MYH3: variants seen among roughly 807,000 people sequenced by gnomAD.
MYH3 encodes myosin heavy chain 3.
MYH3 carries 130 observed loss-of-function variants against 238.0 expected under a neutral mutation model. The observed-to-expected ratio is 0.55, with a 90% CI of 0.47 to 0.63. The LOEUF (loss-of-function observed/expected upper bound fraction) is 0.63, where lower values mean the gene tolerates loss of function less well. Among genes scored for constraint, MYH3 ranks in the 30% least tolerant of loss-of-function variants. The probability of loss-of-function intolerance (pLI) is 0.00; values close to 1 mark genes in which losing one functional copy is unlikely to be tolerated. For synonymous variants in MYH3, 880 were observed against 924.1 expected, an observed-to-expected ratio of 0.95 and a Z score of 0.86; for missense variants, 1,853 against 2,374.9, an observed-to-expected ratio of 0.78 and a Z score of 4.57.
chr17:10,633,701 G>C lies in MYH3; in HGVS notation c.4537C>G (p.Leu1513Val). The change falls in exon 33 of 41, where the codon CTC becomes GTC. Residue 1513 changes from leucine to valine, a missense_variant. By Grantham distance (32) the Leu-to-Val change is conservative (BLOSUM62 1). Transcript: ENST00000583535. Reference protein sequence around the residue: ...NKNLEQEIADLTEQIAENGKT... With the variant: ...NKNLEQEIADVTEQIAENGKT... ...CCATTTTCAGCAATTTGTTCTGTGA[G>C]ATCTGCTATCTCCTCTGTAAAGAAG... 9 of 1,614,002 alleles carry C rather than the reference G, an allele frequency of 5.6e-6. No homozygotes were observed. Among genetic ancestry groups the C allele is most frequent in the Non-Finnish European group, 7.6e-6 (9 of 1,180,012 alleles).
chr17:10,669,141 C>G, the MYH3 span, among the ~76,000 whole-genome samples: 1 of 152,122 alleles, frequency 6.6e-6, no homozygotes, highest in Non-Finnish European at 1.5e-5. Context: ...TGTCCTGCTG[C>G]CCCGCAGGGA....
At position 10,638,087 on chromosome 17, in the gene MYH3, T is replaced by C; in HGVS notation, c.3685A>G (p.Ile1229Val). 6.2e-7 allele frequency: 1 copy of C among 1,613,704 alleles called. No homozygotes were observed. The highest frequency in any genetic ancestry group is 8.5e-7 in the Non-Finnish European group (1 of 1,179,958). Residue 1229 changes from isoleucine to valine, a missense_variant, in exon 27 of 41, where the codon ATC becomes GTC. Ile to Val is a conservative substitution (Grantham distance 29). Around this residue, in one of 3 missense-constraint regions of MYH3, gnomAD observed 1,044 missense variants for 1,192.6 expected, o/e 0.88. Transcript: ENST00000583535. ...TCCATGCTGCTGGAGAGGTCATCGA[T>C]CTCCAGCTTGAACTCGCTCTTCTCC... ...EKEKSEFKLE[I>V]DDLSSSMESV... is the part of the protein sequence containing the mutation.
At chr17:10,657,049 G>A (rs2074439408) in intron 1 of MYH3, among the ~76,000 whole-genome samples, 2 of 152,178 alleles carry the variant, frequency 1.3e-5, no homozygotes, top group African/African-American at 2.4e-5. Flanking sequence ...GTGTGTGGAG[G>A]AGAGAGAACC....
At chr17:10,648,991 T>A (rs912087986) in intron 7 of MYH3, among the ~76,000 whole-genome samples, 4 of 152,134 alleles carry the variant, frequency 2.6e-5, no homozygotes, top group African/African-American at 9.7e-5. Flanking sequence ...AACATGTTTT[T>A]AAGCCACAGA....
Position 10,629,666 on chromosome 17 carries a change from T to C in MYH3, c.5727A>G (p.Glu1909=). Residue 1909 remains glutamate, a synonymous_variant, in exon 40 of 41, where the codon GAA becomes GAG. Transcript: ENST00000583535. ...KAQHELEEAE[E]RADIAESQVN... ...CTTGAGATTCTGCGATATCCGCACG[T>C]TCCTCGGCCTCCTCCAGCTCATGCT... 1 of 1,614,182 alleles carries C rather than the reference T, an allele frequency of 6.2e-7. No homozygotes were observed. Among genetic ancestry groups the C allele is most frequent in the Non-Finnish European group, 8.5e-7 (1 of 1,180,048 alleles).
intron 40 of MYH3, 33 bp from the exon 41 acceptor site, chr17:10,628,712 G>A: frequency 3.1e-6 from 5 of 1,613,586 alleles, no homozygotes; most frequent in Non-Finnish European, 4.2e-6. Flanking sequence ...GAGTCAAGTC[G>A]GGTGGCAGAG....
chr17:10,630,715 G>A (rs937623839), intron 36 of MYH3, among the ~76,000 whole-genome samples: 3 of 152,174 alleles, frequency 2.0e-5, no homozygotes, highest in African/African-American at 7.2e-5. Context: ...GCTGGGCGTG[G>A]TGGCAGATGC....
In MYH3 at chr17:10,647,503, G is replaced by C. The variant is rs921004090; in HGVS notation, c.736-77C>G. The C allele has an allele frequency of 4.9e-5, 73 of 1,494,478 alleles. 1 individual carries two copies. The African/African-American group carries it at 9.8e-4, about 20-fold the overall frequency. The allele number at this position is 1,494,478 out of a possible 1,614,324, so 92.6% of individuals were successfully genotyped here. A position where few individuals can be genotyped will look rare whatever the true frequency, so the allele number is the denominator to read the frequency against. On this transcript the variant is annotated intron_variant, in intron 8 of 40. Coordinates refer to ENST00000583535, the MANE Select transcript of MYH3 (RefSeq NM_002470.4). ...TTCCTATTCATCTTATGGGTAATTTGAGTAGGAGCCTAGTCCCCCTAAAAT... is the reference window on the plus strand; with the variant it reads ...TTCCTATTCATCTTATGGGTAATTTCAGTAGGAGCCTAGTCCCCCTAAAAT...
At position 10,644,345 on chromosome 17, in the gene MYH3, A is replaced by C; in HGVS notation, c.1410+6T>G. On this transcript the variant is annotated splice_donor_region_variant and intron_variant, in intron 14 of 40. Coordinates refer to ENST00000583535, the MANE Select transcript of MYH3 (RefSeq NM_002470.4). Reference sequence around the variant, plus strand: ...ATATGAAAATATGAATATAAGTAACACAAACCTCAAAGATTTCAAAGCCTG... The same window carrying C: ...ATATGAAAATATGAATATAAGTAACCCAAACCTCAAAGATTTCAAAGCCTG... 6.2e-7 allele frequency: 1 copy of C among 1,613,600 alleles called. No homozygotes were observed. The highest frequency in any genetic ancestry group is 8.5e-7 in the Non-Finnish European group (1 of 1,179,510).
upstream of MYH3, among the ~76,000 whole-genome samples, chr17:10,658,298 C>T (rs2074454200): frequency 6.6e-6 from 1 of 152,104 alleles, no homozygotes; most frequent in Non-Finnish European, 1.5e-5. Flanking sequence ...GCTGGGTGGG[C>T]ACCCTGTGGT....
rs2074254978 is a variant in MYH3 at position 10,640,050 on chromosome 17, T to G, written c.2628A>C (p.Glu876Asp). The G allele has an allele frequency of 1.1e-5, 18 of 1,614,158 alleles. No homozygotes were observed. Among genetic ancestry groups the G allele is most frequent in the Non-Finnish European group, 1.5e-5 (18 of 1,180,036 alleles). ...TCTCTTGGACCAGAGTCACCAGTTT[T>G]TCCTCTAGCTCCTTCCTTTTTGCCT... is the stretch of plus-strand genomic sequence containing the variant. ...KSEAKRKELEEKLVTLVQEKN... is the reference protein window; with the variant it reads ...KSEAKRKELEDKLVTLVQEKN... The change falls in exon 22 of 41, where the codon GAA becomes GAC. Residue 876 changes from glutamate to aspartate, a missense_variant. Physicochemically the swap from Glu to Asp is conservative, Grantham distance 45. This residue lies in a region of MYH3 where 678 missense variants were observed against 1,058.9 expected (regional missense o/e 0.64). Coordinates refer to ENST00000583535, the MANE Select transcript of MYH3 (RefSeq NM_002470.4).
In MYH3 at chr17:10,640,382, A is replaced by C. The variant is rs374382907; in HGVS notation, c.2377T>G (p.Cys793Gly). 6.8e-6 allele frequency: 11 copies of C among 1,614,234 alleles called. No individual in the cohort carries two copies. The African/African-American group carries it at 1.5e-4, about 22-fold the overall frequency. Residue 793 changes from cysteine to glycine, a missense_variant, in exon 21 of 41, where the codon TGC (cysteine) becomes GGC (glycine). Around this residue, in one of 3 missense-constraint regions of MYH3, gnomAD observed 678 missense variants for 1,058.9 expected, o/e 0.64. Coordinates refer to ENST00000583535, the MANE Select transcript of MYH3 (RefSeq NM_002470.4). ...AKLITRTQAV[C>G]RGFLMRVEFQ... ...TCCACACGCATGAGGAACCCTCTGC[A>C]CACAGCTTGTGTCCGGGTGATTAGT... is the stretch of plus-strand genomic sequence containing the variant.
At chr17:10,664,060 CT>C in the MYH3 span, among the ~76,000 whole-genome samples, 2 of 70,486 alleles carry the variant, frequency 2.8e-5, no homozygotes, top group African/African-American at 8.5e-5. Context: ...GAGACTCCGT[CT>C]TAAAAAAAAA....
intron 40 of MYH3, 41 bp from the exon 41 acceptor site, chr17:10,628,720 G>C (rs753628628): frequency 1.2e-6 from 2 of 1,610,846 alleles, no homozygotes; most frequent in Non-Finnish European, 1.7e-6. Flanking sequence ...TCGGGTGGCA[G>C]AGACACATTC....
In MYH3 at chr17:10,654,516, G is replaced by T. The variant is rs73283090; in HGVS notation, c.204+345C>A. Among the ~76,000 whole-genome samples the T allele has an allele frequency of 0.017, 2,575 of 152,346 alleles. 80 individuals are homozygous for T. The highest frequency in any genetic ancestry group is 0.059 in the African/African-American group (2,433 of 41,566). On this transcript the variant is annotated intron_variant, in intron 3 of 40. Transcript: ENST00000583535. This position sits in a 1 kb window ranked among gnomAD's most constrained non-coding sequence, Gnocchi z 4.5. ...TTTGGGACAAATCTAGGCTACCAAA[G>T]GAGAGTGTTCTGAAACAGCGCTCAT...
In MYH3 at chr17:10,644,124, T is replaced by A. The variant is rs145042110; in HGVS notation, c.1410+227A>T. The stretch of plus-strand genomic sequence containing the variant: ...GTGAGCCGAGATGGCGCCACTGCAT[T>A]CTGGCCTGAGTGACAGGGTGAAACT... On this transcript the variant is annotated intron_variant, in intron 14 of 40. Coordinates refer to ENST00000583535, the MANE Select transcript of MYH3 (RefSeq NM_002470.4). Among the ~76,000 whole-genome samples the A allele has an allele frequency of 8.1e-4, 122 of 151,526 alleles. 1 individual carries two copies. The highest frequency in any genetic ancestry group is 3.4e-3 in the Middle Eastern group (1 of 294).
chr17:10,651,741 ATTATTG>A (rs1279017770), intron 4 of MYH3, 73 bp from the exon 5 acceptor site: 6 of 1,437,352 alleles, frequency 4.2e-6, no homozygotes, highest in Non-Finnish European at 5.6e-6. Flanking sequence ...CTTTATTATT[ATTATTG>A]TTTTTTTTTT....
the MYH3 span, among the ~76,000 whole-genome samples, chr17:10,665,226 T>TC: frequency 2.0e-5 from 3 of 152,160 alleles, no homozygotes; most frequent in African/African-American, 7.2e-5. Context: ...CACTGGAACC[T>TC]CCGCCTCCTG....
chr17:10,647,577 G>A (rs191599508), intron 8 of MYH3, 151 bp from the exon 9 acceptor site: 20 of 841,106 alleles, frequency 2.4e-5, no homozygotes, highest in Middle Eastern at 3.4e-4. Flanking sequence ...ACGGAGTCTC[G>A]CTCTGTCACC....
Sources: gnomAD v4.1 joint callset for allele counts (sites outside exome capture counted in the v4.1 genomes callset) on GRCh38, gnomAD v4.1.1 for gene constraint, gnomAD v4.1.1 regional missense constraint, Gnocchi (gnomAD v3.1) non-coding constraint, MANE v1.5 for transcripts, NCBI Gene and HGNC (gene_info 2026-07-23, HGNC 2026-07-21) for gene names.